Variants in PHF21B observed in about 807,000 individuals in gnomAD.
The protein encoded by PHF21B is PHD finger protein 4.
In PHF21B, 22 loss-of-function variants were observed where a neutral mutation model predicts 62.2. The ratio of observed to expected loss-of-function variants is 0.35; its 90% CI spans 0.25 to 0.51. PHF21B has a LOEUF of 0.51. Ranked by LOEUF, PHF21B falls within the 20% of genes least tolerant of loss-of-function variation. The probability of loss-of-function intolerance (pLI) is 0.97; values close to 1 mark genes in which losing one functional copy is unlikely to be tolerated. For missense variants in PHF21B, 701 were observed against 707.9 expected, an observed-to-expected ratio of 0.99 and a Z score of 0.11; for synonymous variants, 341 against 314.7, an observed-to-expected ratio of 1.08 and a Z score of -0.88.
chr22:45,008,385 T>C, intron 2 of PHF21B, 160 bp downstream of exon 2: 1 of 621,234 alleles, frequency 1.6e-6, no homozygotes, highest in Non-Finnish European at 2.4e-6. Flanking sequence ...GGCTCTTTCT[T>C]TCCAGGAAAG....
intron 2 of PHF21B, among the ~76,000 whole-genome samples, chr22:45,007,488 T>G (rs1270560658): frequency 7.4e-6 from 1 of 134,230 alleles, no homozygotes; most frequent in Non-Finnish European, 1.6e-5. Flanking sequence ...AGTTTGGCGC[T>G]GGCGGCTGCG....
chr22:45,008,563 G>C lies in PHF21B; in HGVS notation c.102C>G (p.Ala34=). ...CGCTTACTTGTTTGTCGCTGAGCGC[G>C]GCGATCCGCGGCTGCCTTTCGTGGA... The part of the protein sequence containing the change: ...KQLHERQPRI[A]ALSDKQALGT... The change falls in exon 2 of 13, where the codon GCC becomes GCG. Residue 34 remains alanine (A), a synonymous_variant. Transcript: ENST00000313237. 7 of 1,586,530 alleles carry C rather than the reference G, an allele frequency of 4.4e-6. No individual in the cohort carries two copies. Among genetic ancestry groups the C allele is most frequent in the Non-Finnish European group, 6.0e-6 (7 of 1,166,912 alleles).
intron 12 of PHF21B, among the ~76,000 whole-genome samples, chr22:44,884,051 C>G (rs1198132777): frequency 4.2e-4 from 10 of 23,982 alleles, no homozygotes; most frequent in African/African-American, 2.6e-3. Flanking sequence ...GCACCACCAC[C>G]ACCATCACCA....
chr22:44,960,464 G>A (rs1476010128), intron 2 of PHF21B, among the ~76,000 whole-genome samples: 2 of 152,188 alleles, frequency 1.3e-5, no homozygotes, highest in Non-Finnish European at 2.9e-5. Flanking sequence ...TCCACTGGCT[G>A]GAAGTCACTG....
intron 12 of PHF21B, among the ~76,000 whole-genome samples, chr22:44,883,763 C>G (rs977423942): frequency 6.6e-6 from 1 of 151,986 alleles, no homozygotes; most frequent in Non-Finnish European, 1.5e-5. Context: ...GCCTACAGTC[C>G]CATATCCATC....
intron 2 of PHF21B, among the ~76,000 whole-genome samples, chr22:44,921,004 A>G (rs2071525126): frequency 6.6e-6 from 1 of 152,206 alleles, no homozygotes; most frequent in African/African-American, 2.4e-5. Context: ...CACATCACAG[A>G]GCATTTCTGT....
At chr22:44,994,888 G>A (rs1312676127) in intron 2 of PHF21B, among the ~76,000 whole-genome samples, 2 of 152,248 alleles carry the variant, frequency 1.3e-5, no homozygotes, top group Admixed American at 6.5e-5. Flanking sequence ...CTTGGGGAGC[G>A]CCAGGGCGAG....
intron 4 of PHF21B, among the ~76,000 whole-genome samples, chr22:44,915,891 C>T (rs2071423252): frequency 6.6e-6 from 1 of 152,202 alleles, no homozygotes; most frequent in African/African-American, 2.4e-5. Context: ...GACCGTCCAA[C>T]TCCACCAGCA....
At chr22:44,951,645 C>A (rs1043489854) in intron 2 of PHF21B, among the ~76,000 whole-genome samples, 7 of 152,198 alleles carry the variant, frequency 4.6e-5, no homozygotes, top group Non-Finnish European at 8.8e-5. Flanking sequence ...GCATAGTATT[C>A]CCCTCTGTGA....
chr22:44,984,089 TCATCATCACCATCATCACC>T (rs2072892667), intron 2 of PHF21B, among the ~76,000 whole-genome samples: 1 of 38,812 alleles, frequency 2.6e-5, no homozygotes, highest in African/African-American at 1.0e-4. Flanking sequence ...ACCATCACCA[TCATCATCACCATCATCACC>T]ACCATAACCA....
rs3087031 is a variant in PHF21B, at chr22:44,912,878, C to CA, written c.831+943dup. 4.0e-3 allele frequency among the ~76,000 whole-genome samples: 184 copies of CA among 45,582 alleles called. 11 individuals are homozygous for CA. The highest frequency in any genetic ancestry group is 0.01 in the South Asian group (9 of 896). 29.9% of individuals were successfully genotyped at this position (45,582 alleles called of 152,430 possible). A position where few individuals can be genotyped will look rare whatever the true frequency, so the allele number is the denominator to read the frequency against. On this transcript the variant is annotated intron_variant, in intron 5 of 12. Transcript: ENST00000313237. ...TGGCTCAAAGAGTCAGACTCTATCTCAAAAAAAAAAAAAAAAAAAGACAAA... is the reference window on the plus strand; with the variant it reads ...TGGCTCAAAGAGTCAGACTCTATCTCAAAAAAAAAAAAAAAAAAAAGACAAA...
chr22:44,967,990 C>T (rs2072562406), intron 2 of PHF21B, among the ~76,000 whole-genome samples: 1 of 152,128 alleles, frequency 6.6e-6, no homozygotes. Flanking sequence ...GTACCATTTC[C>T]ATCACGTATC....
In PHF21B at chr22:44,951,249, GATC is replaced by G. The variant is rs2072188017; in HGVS notation, c.121-30762_121-30760del. 2.0e-5 allele frequency among the ~76,000 whole-genome samples: 3 copies of G among 152,216 alleles called. No homozygotes were observed. In the South Asian group the frequency reaches 6.2e-4, roughly 31 times the overall value. On this transcript the variant is annotated intron_variant, in intron 2 of 12. Coordinates refer to ENST00000313237, the MANE Select transcript of PHF21B (RefSeq NM_138415.5). Reference sequence around the variant, plus strand: ...GCATCACCGCCTCAGCTCCACCGCAGATCATCGGGCATTAGATTCTCATAAGGA... The same window carrying G: ...GCATCACCGCCTCAGCTCCACCGCAGATCGGGCATTAGATTCTCATAAGGA...
At position 44,914,017 on chromosome 22, in the gene PHF21B, G is replaced by C. The variant is rs776041652; in HGVS notation, c.636C>G (p.Pro212=). ...HHCPLHPSSL[P]LTPPSPSLSP... Reference sequence around the variant, plus strand: ...ACAGTGATGGGGAGGGAGGGGTGAGGGGAAGAGAGGAGGGGTGGAGGGGAC... The same window carrying C: ...ACAGTGATGGGGAGGGAGGGGTGAGCGGAAGAGAGGAGGGGTGGAGGGGAC... The change falls in exon 5 of 13, where the codon CCC becomes CCG. Residue 212 remains proline, a synonymous_variant. Transcript: ENST00000313237. 2.1e-6 allele frequency: 3 copies of C among 1,442,832 alleles called. No individual in the cohort carries two copies. The highest frequency in any genetic ancestry group is 2.9e-6 in the Non-Finnish European group (3 of 1,029,028). The allele number at this position is 1,442,832 out of a possible 1,614,324, so 89.4% of individuals were successfully genotyped here.
chr22:44,895,801 C>T (rs1007413778), intron 6 of PHF21B, among the ~76,000 whole-genome samples: 3 of 152,168 alleles, frequency 2.0e-5, no homozygotes, highest in Non-Finnish European at 4.4e-5. Context: ...TCTTTGATGA[C>T]AGCCACCCAG....
In PHF21B at chr22:44,882,212, G is replaced by A. The variant is rs2070752087; in HGVS notation, c.*874C>T. The A allele has an allele frequency of 6.6e-6, 1 of 152,668 alleles. No homozygotes were observed. The highest frequency in any genetic ancestry group is 1.5e-5 in the Non-Finnish European group (1 of 68,082). The allele number at this position is 152,668 out of a possible 1,614,324, so 9.5% of individuals were successfully genotyped here. Reference sequence around the variant, plus strand: ...AAGAAAGGGCTTCAGTCGTTAAGTTGAATGATTCAACCCCAAGGAGAAAAC... The same window carrying A: ...AAGAAAGGGCTTCAGTCGTTAAGTTAAATGATTCAACCCCAAGGAGAAAAC... On this transcript the variant is annotated 3_prime_UTR_variant, in exon 13 of 13. Transcript: ENST00000313237.
intron 2 of PHF21B, among the ~76,000 whole-genome samples, chr22:44,949,302 AAAAAAAAG>A (rs869153920): frequency 0.068 from 7,172 of 106,240 alleles, 545 homozygotes; most frequent in African/African-American, 0.21. Context: ...ACTCCATCTC[AAAAAAAAG>A]AAAAAAAAAA....
At chr22:44,900,059 T>G (rs2071130008) in intron 5 of PHF21B, among the ~76,000 whole-genome samples, 1 of 152,244 alleles carries the variant, frequency 6.6e-6, no homozygotes, top group Non-Finnish European at 1.5e-5. Context: ...CTGCTACAGA[T>G]AAGCTCATCT....
At chr22:44,999,349 G>A (rs1435612292) in intron 2 of PHF21B, among the ~76,000 whole-genome samples, 1 of 152,060 alleles carries the variant, frequency 6.6e-6, no homozygotes, top group Admixed American at 6.6e-5. Flanking sequence ...GGGAGGAGGA[G>A]GAAACCCCCC....
Sources: gnomAD v4.1 joint callset for allele counts (sites outside exome capture counted in the v4.1 genomes callset) on GRCh38, gnomAD v4.1.1 for gene constraint, MANE v1.5 for transcripts, NCBI Gene and HGNC (gene_info 2026-07-23, HGNC 2026-07-21) for gene names.